The following VPS41 variants were observed in gnomAD, a reference collection of about 807,000 sequenced individuals.
VPS41 encodes the protein vacuolar protein sorting-associated protein 41 homolog.
VPS41 carries 85 observed loss-of-function variants against 130.9 expected under a neutral mutation model. That is an observed-to-expected ratio of 0.65 (90% CI 0.55 to 0.78). VPS41 has a LOEUF of 0.78. VPS41 is among the 30% of genes least tolerant of loss of function. VPS41 has a pLI of 0.00. For synonymous variants in VPS41, 335 were observed against 332.9 expected (o/e 1.01, Z -0.07); for missense variants, 874 against 1,018.7 (o/e 0.86, Z 1.93).
intron 16 of VPS41, among the ~76,000 whole-genome samples, chr7:38,764,735 T>C (rs1783996669): frequency 6.6e-6 from 1 of 152,010 alleles, no homozygotes. Context: ...ATATTGTGTA[T>C]CACAAACACA....
At chr7:38,907,034 G>A (rs1363305829) in intron 1 of VPS41, among the ~76,000 whole-genome samples, 1 of 151,294 alleles carries the variant, frequency 6.6e-6, no homozygotes, top group East Asian at 1.9e-4. Flanking sequence ...TCCTTGTCAG[G>A]ATGTTCCAAG....
intron 2 of VPS41, among the ~76,000 whole-genome samples, chr7:38,895,182 C>T (rs921674653): frequency 2.0e-5 from 3 of 152,026 alleles, no homozygotes; most frequent in Non-Finnish European, 2.9e-5. Flanking sequence ...GTGAACTGGG[C>T]GTGTTGGTGC....
At chr7:38,818,181 G>A (rs1054268068) in intron 6 of VPS41, among the ~76,000 whole-genome samples, 4 of 151,930 alleles carry the variant, frequency 2.6e-5, no homozygotes, top group Admixed American at 2.0e-4. Flanking sequence ...GGGAGGTCAA[G>A]GGAGGTTGGT....
At chr7:38,791,718 A>G (rs1430141531) in intron 9 of VPS41, among the ~76,000 whole-genome samples, 2 of 152,160 alleles carry the variant, frequency 1.3e-5, no homozygotes, top group Non-Finnish European at 2.9e-5. Flanking sequence ...GCTGGAGAGT[A>G]ACGGAGAGGC....
At chr7:38,801,224 C>A (rs1306405300) in intron 7 of VPS41, among the ~76,000 whole-genome samples, 1 of 152,138 alleles carries the variant, frequency 6.6e-6, no homozygotes, top group East Asian at 1.9e-4. Context: ...CCTTGTGGAC[C>A]CTGCTCTGAC....
intron 1 of VPS41, among the ~76,000 whole-genome samples, chr7:38,902,471 T>C (rs1787166362): frequency 6.6e-6 from 1 of 152,148 alleles, no homozygotes; most frequent in African/African-American, 2.4e-5. Context: ...TAGGTGGTGT[T>C]TTTAAAAAAG....
In VPS41 at chr7:38,763,480, T is replaced by A; in HGVS notation, c.1397A>T (p.His466Leu). The A allele has an allele frequency of 6.2e-7, 1 of 1,607,098 alleles. No individual in the cohort carries two copies. The highest frequency in any genetic ancestry group is 1.1e-5 in the South Asian group (1 of 89,922). ...LKPLIYEMIL[H>L]EFLESDYEGF... ...CTCATAATCACTCTCCAAAAATTCA[T>A]GTAAGATCATTTCATAGATGAGTGG... Residue 466 changes from histidine to leucine, a missense_variant, in exon 17 of 29, where the codon CAT (histidine) becomes CTT (leucine). Physicochemically the swap from His to Leu is moderately conservative, Grantham distance 99. Transcript: ENST00000310301.
intron 7 of VPS41, among the ~76,000 whole-genome samples, chr7:38,812,216 T>A (rs1438635963): frequency 1.3e-5 from 2 of 152,082 alleles, no homozygotes; most frequent in East Asian, 3.8e-4. Context: ...CTATATAGAT[T>A]GGTAGAATTC....
rs139089783 is a variant in VPS41 at position 38,796,367 on chromosome 7, G to A, written c.570+378C>T. On this transcript the variant is annotated intron_variant, in intron 8 of 28. Coordinates refer to ENST00000310301, the MANE Select transcript of VPS41 (RefSeq NM_014396.4). ...GTCTATGATTATACTGGGAGTAAAA[G>A]AGAAATCAGCAATATTCTGCACTTG... 546 of 422,488 alleles carry A rather than the reference G, an allele frequency of 1.3e-3. 2 individuals carry two copies. Among genetic ancestry groups the A allele is most frequent in the African/African-American group, 0.011 (515 of 48,676 alleles). The allele number at this position is 422,488 out of a possible 1,614,324, so 26.2% of individuals were successfully genotyped here.
chr7:38,832,404 C>T (rs1367179723), intron 4 of VPS41, among the ~76,000 whole-genome samples: 5 of 149,770 alleles, frequency 3.3e-5, no homozygotes, highest in Non-Finnish European at 7.4e-5. Flanking sequence ...ACTGCAACCT[C>T]GCCTCCCGGG....
At chr7:38,751,587 G>C (rs1411461628) in intron 22 of VPS41, among the ~76,000 whole-genome samples, 1 of 152,146 alleles carries the variant, frequency 6.6e-6, no homozygotes, top group Non-Finnish European at 1.5e-5. Flanking sequence ...TCTAATGTGT[G>C]GTGGGTACTA....
chr7:38,780,314 G>A (rs1373794712), intron 10 of VPS41, among the ~76,000 whole-genome samples: 1 of 151,888 alleles, frequency 6.6e-6, no homozygotes, highest in African/African-American at 2.4e-5. Flanking sequence ...GCCCTGCAGG[G>A]AGTGCGCTAT....
At chr7:38,832,432 C>A (rs1296943294) in intron 4 of VPS41, among the ~76,000 whole-genome samples, 1 of 150,958 alleles carries the variant, frequency 6.6e-6, no homozygotes, top group African/African-American at 2.4e-5. Context: ...GATTTTCCTG[C>A]CTCAGCCTCC....
chr7:38,834,474 G>A (rs752158374), intron 4 of VPS41, among the ~76,000 whole-genome samples: 4 of 152,124 alleles, frequency 2.6e-5, no homozygotes, highest in Non-Finnish European at 5.9e-5. Context: ...TGTAGGGGGA[G>A]CACACACAGG....
intron 25 of VPS41, chr7:38,741,318 T>C (rs771575500): frequency 6.3e-5 from 22 of 348,544 alleles, no homozygotes; most frequent in Non-Finnish European, 1.1e-4. Flanking sequence ...TCAAGTTCTA[T>C]AGAAGTTACC....
At position 38,767,550 on chromosome 7, in the gene VPS41, C is replaced by G; in HGVS notation, c.1234G>C (p.Asp412His). The part of the protein sequence containing the change: ...INHLVERGDY[D>H]IAARKCQKIL... ...TGTCATCATTACCGTGCTGCTATGT[C>G]ATAGTCTCCTCTCTCCACCAGGTGA... Residue 412 changes from aspartate to histidine, a missense_variant, in exon 15 of 29, where the codon GAC becomes CAC. Coordinates refer to ENST00000310301, the MANE Select transcript of VPS41 (RefSeq NM_014396.4). 6.2e-7 allele frequency: 1 copy of G among 1,608,212 alleles called. No individual in the cohort carries two copies.
At chr7:38,828,015 GT>G (rs1239687726) in intron 5 of VPS41, among the ~76,000 whole-genome samples, 1 of 151,844 alleles carries the variant, frequency 6.6e-6, no homozygotes, top group Non-Finnish European at 1.5e-5. Context: ...AATTGTAAAG[GT>G]TTTAGAAAAG....
intron 4 of VPS41, among the ~76,000 whole-genome samples, chr7:38,849,116 A>C (rs1424394423): frequency 6.6e-6 from 1 of 152,170 alleles, no homozygotes; most frequent in Non-Finnish European, 1.5e-5. Flanking sequence ...AAGGACATAC[A>C]AAGAATATTG....
At chr7:38,745,023 A>ATG (rs933922344) in intron 23 of VPS41, among the ~76,000 whole-genome samples, 2 of 152,188 alleles carry the variant, frequency 1.3e-5, no homozygotes, top group Non-Finnish European at 2.9e-5. Flanking sequence ...TTTTGGAAGA[A>ATG]TGTGAAAAGA....
Sources: gnomAD v4.1 joint callset for allele counts (sites outside exome capture counted in the v4.1 genomes callset) on GRCh38, gnomAD v4.1.1 for gene constraint, MANE v1.5 for transcripts, NCBI Gene and HGNC (gene_info 2026-07-23, HGNC 2026-07-21) for gene names.